The following SPATS2L variants were observed in gnomAD, a reference collection of about 807,000 sequenced individuals.
The protein encoded by SPATS2L is SPATS2-like protein.
In SPATS2L, 30 loss-of-function variants were observed where a neutral mutation model predicts 59.6. That is an observed-to-expected ratio of 0.50 (90% CI 0.38 to 0.68). SPATS2L has a LOEUF of 0.68. Among genes scored for constraint, SPATS2L ranks in the 30% least tolerant of loss-of-function variants. The pLI is 0.00. For synonymous variants in SPATS2L, 252 were observed against 263.5 expected (o/e 0.96, Z 0.42); for missense variants, 615 against 700.0 (o/e 0.88, Z 1.37).
chr2:200,342,839 CTTATG>C (rs933500059), intron 2 of SPATS2L, among the ~76,000 whole-genome samples: 16 of 152,130 alleles, frequency 1.1e-4, no homozygotes, highest in Admixed American at 6.5e-5. Flanking sequence ...GAAGAATATC[CTTATG>C]TTAGGAAAGA....
chr2:200,326,734 CT>C (rs905612824), intron 1 of SPATS2L, among the ~76,000 whole-genome samples: 20 of 148,302 alleles, frequency 1.3e-4, no homozygotes, highest in Non-Finnish European at 2.4e-4. Context: ...TTTGAGCATT[CT>C]TTTTTTTTTC....
At chr2:200,320,709 AG>A (rs2079533750) in intron 1 of SPATS2L, among the ~76,000 whole-genome samples, 2 of 152,210 alleles carry the variant, frequency 1.3e-5, no homozygotes, top group Admixed American at 1.3e-4. Flanking sequence ...ATTTGAAAAG[AG>A]GTTTATTTTT....
At chr2:200,452,090 G>A (rs748811374) in intron 8 of SPATS2L, among the ~76,000 whole-genome samples, 4 of 152,096 alleles carry the variant, frequency 2.6e-5, no homozygotes, top group South Asian at 2.1e-4. Flanking sequence ...GAGCCACCAC[G>A]CCCGGCAGAT....
chr2:200,330,436 C>A (rs570924996), intron 2 of SPATS2L, among the ~76,000 whole-genome samples: 4 of 152,238 alleles, frequency 2.6e-5, no homozygotes, highest in African/African-American at 9.6e-5. Context: ...TGAATAGAAT[C>A]GAATATTTTA....
chr2:200,321,112 G>A (rs2079547177), intron 1 of SPATS2L, among the ~76,000 whole-genome samples: 1 of 152,124 alleles, frequency 6.6e-6, no homozygotes, highest in Non-Finnish European at 1.5e-5. Flanking sequence ...GTCACTGTTA[G>A]CATTTGGTGT....
intron 1 of SPATS2L, 73 bp from the exon 2 acceptor site, chr2:200,329,358 G>A: frequency 7.9e-7 from 1 of 1,262,366 alleles, no homozygotes; most frequent in Non-Finnish European, 1.1e-6. Context: ...TGGGTTTTGA[G>A]TGTGATGGGA....
chr2:200,355,857 A>G (rs947732300), intron 2 of SPATS2L, among the ~76,000 whole-genome samples: 13 of 152,250 alleles, frequency 8.5e-5, no homozygotes, highest in Non-Finnish European at 1.3e-4. Context: ...GGTGAAAATT[A>G]GATGACTGAG....
chr2:200,452,902 A>G (rs1422527500), intron 8 of SPATS2L, among the ~76,000 whole-genome samples: 9 of 152,188 alleles, frequency 5.9e-5, no homozygotes, highest in Admixed American at 1.3e-4. Flanking sequence ...TAAAAAAAAA[A>G]AAATCTATTA....
At chr2:200,394,452 G>A (rs562543831) in intron 3 of SPATS2L, among the ~76,000 whole-genome samples, 17 of 152,260 alleles carry the variant, frequency 1.1e-4, no homozygotes, top group African/African-American at 3.9e-4. Context: ...GTTATTCCAC[G>A]GAGTGTAATT....
In SPATS2L at chr2:200,439,248, A is replaced by C. The variant is rs1350244736; in HGVS notation, c.572A>C (p.Lys191Thr). ...CAGCCTTGTAACCCAAGCAAGCCTAAGGCAAAAACATCTCCTGTTAAGTCC... is the reference window on the plus strand; with the variant it reads ...CAGCCTTGTAACCCAAGCAAGCCTACGGCAAAAACATCTCCTGTTAAGTCC... ...AEQPCNPSKP[K>T]AKTSPVKSNT... The change falls in exon 7 of 13, where the codon AAG (lysine) becomes ACG (threonine). Residue 191 changes from lysine (K) to threonine (T), a missense_variant. Coordinates refer to ENST00000409140, the MANE Select transcript of SPATS2L (RefSeq NM_001100423.2). 6.2e-7 allele frequency: 1 copy of C among 1,613,660 alleles called. No homozygotes were observed. The highest frequency in any genetic ancestry group is 1.7e-5 in the Admixed American group (1 of 59,948).
chr2:200,476,246 C>T (rs1009847461), intron 12 of SPATS2L, among the ~76,000 whole-genome samples: 21 of 152,052 alleles, frequency 1.4e-4, no homozygotes, highest in Admixed American at 2.0e-4. Flanking sequence ...CTTATAACTG[C>T]AGAAAGTTTA....
At chr2:200,428,397 G>T (rs970698526) in intron 6 of SPATS2L, among the ~76,000 whole-genome samples, 2 of 152,158 alleles carry the variant, frequency 1.3e-5, no homozygotes, top group African/African-American at 4.8e-5. Context: ...ACACTCTCCT[G>T]ATTGTGTCCC....
rs184277591 is a variant in SPATS2L, at chr2:200,377,161, G to A, written c.-22-12062G>A. On this transcript the variant is annotated intron_variant, in intron 2 of 12. Coordinates refer to ENST00000409140, the MANE Select transcript of SPATS2L (RefSeq NM_001100423.2). ...ATCCTTCTTACCACGCTATGCCGTA[G>A]TTACTATTATTATCCCTATTTTACT... 1.0e-3 allele frequency among the ~76,000 whole-genome samples: 157 copies of A among 152,276 alleles called. 1 individual carries two copies. Among genetic ancestry groups the A allele is most frequent in the African/African-American group, 3.7e-3 (152 of 41,532 alleles).
intron 2 of SPATS2L, among the ~76,000 whole-genome samples, chr2:200,388,608 A>G (rs2082069593): frequency 1.2e-4 from 1 of 8,170 alleles, no homozygotes; most frequent in South Asian, 6.0e-3. Context: ...AAAGGTTTTG[A>G]GATGCCCCCC....
At chr2:200,362,303 T>C (rs1220069469) in intron 2 of SPATS2L, among the ~76,000 whole-genome samples, 2 of 152,138 alleles carry the variant, frequency 1.3e-5, no homozygotes, top group Admixed American at 6.5e-5. Context: ...TAAATATTAG[T>C]TTTGTTACCA....
chr2:200,437,882 A>G (rs1285809222), intron 6 of SPATS2L, among the ~76,000 whole-genome samples: 1 of 152,102 alleles, frequency 6.6e-6, no homozygotes, highest in Non-Finnish European at 1.5e-5. Context: ...TAAGATATTC[A>G]TTGTTTTTTA....
upstream of SPATS2L, chr2:200,306,276 A>C: frequency 1.0e-6 from 1 of 1,002,438 alleles, no homozygotes; most frequent in Non-Finnish European, 1.2e-6. Flanking sequence ...CTGAGGGAGC[A>C]AAGTTCATTT....
chr2:200,459,516 C>T (rs1214835563), intron 8 of SPATS2L, among the ~76,000 whole-genome samples: 2 of 152,166 alleles, frequency 1.3e-5, no homozygotes, highest in Admixed American at 1.3e-4. Flanking sequence ...TTCTGAAAGT[C>T]TAAAAGACTT....
chr2:200,478,138 G>T lies in SPATS2L; in HGVS notation c.*107G>T. ...CAATCAGAATATACAAATCCCGTATGGTTGTGTCATCCTCTCTTAATCATT... is the reference window on the plus strand; with the variant it reads ...CAATCAGAATATACAAATCCCGTATTGTTGTGTCATCCTCTCTTAATCATT... On this transcript the variant is annotated 3_prime_UTR_variant, in exon 13 of 13. Coordinates refer to ENST00000409140, the MANE Select transcript of SPATS2L (RefSeq NM_001100423.2). The T allele has an allele frequency of 1.9e-6, 2 of 1,059,062 alleles. No homozygotes were observed. The highest frequency in any genetic ancestry group is 2.6e-5 in the East Asian group (1 of 38,020). The allele number at this position is 1,059,062 out of a possible 1,614,324, so 65.6% of individuals were successfully genotyped here.
Sources: gnomAD v4.1 joint callset for allele counts (sites outside exome capture counted in the v4.1 genomes callset) on GRCh38, gnomAD v4.1.1 for gene constraint, MANE v1.5 for transcripts, NCBI Gene and HGNC (gene_info 2026-07-23, HGNC 2026-07-21) for gene names.